BACH1: variants seen among roughly 807,000 people sequenced by gnomAD.
BACH1 encodes transcription regulator protein BACH1.
BACH1 carries 35 observed loss-of-function variants against 52.9 expected under a neutral mutation model. The ratio of observed to expected loss-of-function variants is 0.66; its 90% CI spans 0.51 to 0.88. The LOEUF is 0.88. Among genes scored for constraint, BACH1 ranks in the 40% least tolerant of loss-of-function variants. The pLI is 0.00. For synonymous variants in BACH1, 321 were observed against 319.6 expected, an observed-to-expected ratio of 1.00 and a Z score of -0.05; for missense variants, 808 against 872.6, an observed-to-expected ratio of 0.93 and a Z score of 0.93.
At position 29,344,761 on chromosome 21, in the gene BACH1, G is replaced by A. The variant is rs1811649060; in HGVS notation, c.*1928G>A. ...AGCTTCACGATATAAAATAATATAA[G>A]AACTTCTGGTTTACAAAATGTAAAA... is the stretch of plus-strand genomic sequence containing the variant. On this transcript the variant is annotated 3_prime_UTR_variant, in exon 5 of 5. Transcript: ENST00000286800. 1 of 152,270 alleles carries A rather than the reference G, an allele frequency of 6.6e-6. No individual in the cohort carries two copies. Among genetic ancestry groups the A allele is most frequent in the African/African-American group, 2.4e-5 (1 of 41,328 alleles). 9.4% of individuals were successfully genotyped at this position (152,270 alleles called of 1,614,324 possible). A position where few individuals can be genotyped will look rare whatever the true frequency, so the allele number is the denominator to read the frequency against.
intron 2 of BACH1, among the ~76,000 whole-genome samples, chr21:29,358,598 G>A (rs1478423678): frequency 6.6e-6 from 1 of 152,064 alleles, no homozygotes; most frequent in African/African-American, 2.4e-5. Flanking sequence ...AAATTAGTTG[G>A]GTGTGGTGGA....
At chr21:29,322,431 TGTG>T (rs2088859706) in intron 2 of BACH1, among the ~76,000 whole-genome samples, 1 of 152,222 alleles carries the variant, frequency 6.6e-6, no homozygotes. Context: ...TCTGGTCTGT[TGTG>T]GAGCTCAGGC....
intron 1 of BACH1, among the ~76,000 whole-genome samples, chr21:29,310,687 A>G (rs889018024): frequency 6.6e-6 from 1 of 152,264 alleles, no homozygotes; most frequent in African/African-American, 2.4e-5. Context: ...ACAAGGTTTC[A>G]GGAAAGGAAT....
chr21:29,315,215 G>T lies in BACH1; in HGVS notation c.-60-6006G>T, dbSNP rs187341988. ...CATCCACTTGAAAAATTGAATGTAA[G>T]GTTCACCTAATTTCAGAAGAACACT... On this transcript the variant is annotated intron_variant, in intron 1 of 4. Transcript: ENST00000286800. 2.1e-3 allele frequency among the ~76,000 whole-genome samples: 318 copies of T among 152,208 alleles called. 2 individuals carry two copies. Among genetic ancestry groups the T allele is most frequent in the African/African-American group, 7.1e-3 (296 of 41,512 alleles).
chr21:29,302,844 A>G (rs2088618408), intron 1 of BACH1, among the ~76,000 whole-genome samples: 3 of 152,216 alleles, frequency 2.0e-5, no homozygotes. Context: ...ACCATCTCAA[A>G]CATACATCCA....
chr21:29,351,295 C>T (rs1219690537), intron 2 of BACH1, among the ~76,000 whole-genome samples: 1 of 152,192 alleles, frequency 6.6e-6, no homozygotes, highest in African/African-American at 2.4e-5. Flanking sequence ...TAACAATACC[C>T]AGCACGCTAT....
intron 1 of BACH1, chr21:29,300,105 G>GC (rs2088586697): frequency 6.6e-6 from 1 of 152,198 alleles, no homozygotes; most frequent in Admixed American, 6.5e-5. Flanking sequence ...CAAGGGCTGG[G>GC]CTGGGCTTGA....
rs751034308 is a variant in BACH1, at chr21:29,327,371, C to T, written c.1547C>T (p.Ser516Leu). 1 of 1,613,454 alleles carries T rather than the reference C, an allele frequency of 6.2e-7. No individual in the cohort carries two copies. Among genetic ancestry groups the T allele is most frequent in the East Asian group, 2.2e-5 (1 of 44,878 alleles). ...TDTEGDSESC[S>L]AREQECEVKL... ...ACCGAAGGAGACAGTGAATCCTGTTCAGCCAGAGAACAAGAATGTGAGGTG... is the reference window on the plus strand; with the variant it reads ...ACCGAAGGAGACAGTGAATCCTGTTTAGCCAGAGAACAAGAATGTGAGGTG... The change falls in exon 3 of 5, where the codon TCA (serine) becomes TTA (leucine). Residue 516 changes from serine to leucine, a missense_variant. By Grantham distance (145) the Ser-to-Leu change is moderately radical (BLOSUM62 -2). Coordinates refer to ENST00000286800, the MANE Select transcript of BACH1 (RefSeq NM_001186.4).
chr21:29,307,421 G>GTGTGTGTGTT (rs530015131), intron 1 of BACH1, among the ~76,000 whole-genome samples: 6 of 152,180 alleles, frequency 3.9e-5, no homozygotes, highest in Admixed American at 1.3e-4. Context: ...GTGTGTGTGT[G>GTGTGTGTGTT]TGTGTGGTGA....
intron 2 of BACH1, among the ~76,000 whole-genome samples, chr21:29,353,699 G>A (rs1185312135): frequency 1.3e-5 from 2 of 152,192 alleles, no homozygotes; most frequent in African/African-American, 4.8e-5. Flanking sequence ...TAATCTTAGT[G>A]AGGGGGGCTA....
At chr21:29,360,014 T>C (rs2123497898) in intron 2 of BACH1, among the ~76,000 whole-genome samples, 1 of 152,340 alleles carries the variant, frequency 6.6e-6, no homozygotes, top group Non-Finnish European at 1.5e-5. Flanking sequence ...CTCACATGTA[T>C]TCAGTGAAAG....
chr21:29,340,916 T>G (rs1436694751), intron 4 of BACH1, among the ~76,000 whole-genome samples: 1 of 151,832 alleles, frequency 6.6e-6, no homozygotes, highest in Non-Finnish European at 1.5e-5. Flanking sequence ...GGCCAAACAT[T>G]GATTTTGCTT....
Position 29,321,372 on chromosome 21 carries a change from A to G in BACH1, c.92A>G (p.Asp31Gly), listed in dbSNP as rs753699279. 3.1e-6 allele frequency: 5 copies of G among 1,614,188 alleles called. No individual in the cohort carries two copies. The highest frequency in any genetic ancestry group is 3.4e-6 in the Non-Finnish European group (4 of 1,180,032). Residue 31 changes from aspartate (D) to glycine (G), a missense_variant, in exon 2 of 5, where the codon GAT (aspartate) becomes GGT (glycine). Asp to Gly is a moderately conservative substitution (Grantham distance 94, BLOSUM62 -1). Coordinates refer to ENST00000286800, the MANE Select transcript of BACH1 (RefSeq NM_001186.4). Reference protein sequence around the residue: ...LLSLNDQRKKDVLCDVTIFVE... With the variant: ...LLSLNDQRKKGVLCDVTIFVE... ...AGCCTTAATGACCAGCGGAAGAAAGATGTGCTGTGCGATGTCACCATCTTT... is the reference window on the plus strand; with the variant it reads ...AGCCTTAATGACCAGCGGAAGAAAGGTGTGCTGTGCGATGTCACCATCTTT...
intron 2 of BACH1, among the ~76,000 whole-genome samples, chr21:29,355,117 C>G (rs991915844): frequency 4.6e-4 from 70 of 152,324 alleles, no homozygotes; most frequent in African/African-American, 1.6e-3. Context: ...TTATTTGGCT[C>G]TGCCACATCC....
Position 29,317,521 on chromosome 21 carries a change from A to G in BACH1, c.-60-3700A>G, listed in dbSNP as rs915794877. On this transcript the variant is annotated intron_variant, in intron 1 of 4. Coordinates refer to ENST00000286800, the MANE Select transcript of BACH1 (RefSeq NM_001186.4). Reference sequence around the variant, plus strand: ...AGGAGCTTGGGGCCTGTGGAGCAGGAAGGAAGAGACAGTGAGGCTAGAGAA... The same window carrying G: ...AGGAGCTTGGGGCCTGTGGAGCAGGGAGGAAGAGACAGTGAGGCTAGAGAA... Among the ~76,000 whole-genome samples, 118 of 152,310 alleles carry G rather than the reference A, an allele frequency of 7.7e-4. 1 individual carries two copies. Among genetic ancestry groups the G allele is most frequent in the African/African-American group, 2.7e-3 (113 of 41,562 alleles).
At chr21:29,339,384 A>T (rs1396036144) in intron 4 of BACH1, among the ~76,000 whole-genome samples, 2 of 151,958 alleles carry the variant, frequency 1.3e-5, no homozygotes, top group African/African-American at 4.8e-5. Context: ...TTTTGCTTAT[A>T]TTTCTCAGTG....
chr21:29,323,408 C>T (rs1048433403), intron 2 of BACH1, among the ~76,000 whole-genome samples: 5 of 152,166 alleles, frequency 3.3e-5, no homozygotes, highest in East Asian at 3.9e-4. Context: ...CTCGGCAAAC[C>T]GCTGGTGTAA....
rs765794113 is a variant in BACH1, at chr21:29,326,898, A to G, written c.1074A>G (p.Glu358=). 5 of 1,614,242 alleles carry G rather than the reference A, an allele frequency of 3.1e-6. No individual in the cohort carries two copies. The highest frequency in any genetic ancestry group is 4.2e-6 in the Non-Finnish European group (5 of 1,180,046). The change falls in exon 3 of 5, where the codon GAA becomes GAG. Residue 358 remains glutamate, a synonymous_variant. Transcript: ENST00000286800. The part of the protein sequence containing the change: ...EKPLSGTDVQ[E]KTFGESQDLP... ...CTTTGTCAGGTACAGACGTCCAAGA[A>G]AAAACATTTGGTGAAAGTCAGGATT...
At chr21:29,312,982 A>G (rs1045536586) in intron 1 of BACH1, among the ~76,000 whole-genome samples, 2 of 152,250 alleles carry the variant, frequency 1.3e-5, no homozygotes, top group Non-Finnish European at 2.9e-5. Context: ...AGGAGGCTCA[A>G]CATCCATTAC....
Sources: allele counts gnomAD v4.1 joint callset (sites outside exome capture counted in the v4.1 genomes callset), GRCh38; gene constraint gnomAD v4.1.1; transcripts MANE v1.5; gene names NCBI Gene and HGNC (gene_info 2026-07-23, HGNC 2026-07-21).